The following CCDC93 variants were observed in gnomAD, a reference collection of about 807,000 sequenced individuals.
CCDC93 encodes CCC complex scaffolding subunit CCDC93, also known as coiled-coil domain-containing protein 93.
CCDC93 carries 61 observed loss-of-function variants against 108.2 expected under a neutral mutation model. The ratio of observed to expected loss-of-function variants is 0.56; its 90% CI spans 0.46 to 0.70. The LOEUF (loss-of-function observed/expected upper bound fraction) is 0.70. Among genes scored for constraint, CCDC93 ranks in the 30% least tolerant of loss-of-function variants. The pLI is 0.00. For missense variants in CCDC93, 685 were observed against 764.2 expected (o/e 0.90, Z 1.22); for synonymous variants, 276 against 260.4 (o/e 1.06, Z -0.58).
At chr2:117,989,480 G>A (rs994240968) in intron 6 of CCDC93, among the ~76,000 whole-genome samples, 6 of 152,174 alleles carry the variant, frequency 3.9e-5, no homozygotes, top group South Asian at 2.1e-4. Context: ...CAGTCAGGTC[G>A]TTCTTCTTGA....
At chr2:117,926,157 G>C (rs529370813) in intron 23 of CCDC93, among the ~76,000 whole-genome samples, 3,960 of 152,138 alleles carry the variant, frequency 0.026, 92 homozygotes, top group Non-Finnish European at 0.037. Flanking sequence ...ATGCCCACAA[G>C]AGAAAGCAGG....
chr2:117,951,082 C>CCG lies in CCDC93; in HGVS notation c.1068+1290_1068+1291insCG, dbSNP rs150600932. On this transcript the variant is annotated intron_variant, in intron 13 of 23. Coordinates refer to ENST00000376300, the MANE Select transcript of CCDC93 (RefSeq NM_019044.5). ...GTATAAAAAGCTCCTTTATAAGTCA[C>CCG]TTAGTTTATATCCTAAGGCATATAA... 1.3e-5 allele frequency: 6 copies of CCG among 462,380 alleles called. No individual in the cohort carries two copies. In the East Asian group the frequency reaches 2.0e-3, roughly 157 times the overall value. The allele number at this position is 462,380 out of a possible 1,614,324, so 28.6% of individuals were successfully genotyped here.
chr2:117,983,807 T>TG (rs1680233071), intron 7 of CCDC93, among the ~76,000 whole-genome samples: 1 of 151,996 alleles, frequency 6.6e-6, no homozygotes, highest in Admixed American at 6.6e-5. Flanking sequence ...AACACACACT[T>TG]GTTGGGGCTG....
chr2:117,966,100 G>T (rs1471668092), intron 11 of CCDC93, among the ~76,000 whole-genome samples: 1 of 152,192 alleles, frequency 6.6e-6, no homozygotes, highest in African/African-American at 2.4e-5. Flanking sequence ...TTTCCTGAGG[G>T]CCTAGTGGAA....
intron 8 of CCDC93, among the ~76,000 whole-genome samples, 162 bp downstream of exon 8, chr2:117,977,832 G>A (rs1436524284): frequency 6.6e-6 from 1 of 152,164 alleles, no homozygotes; most frequent in Non-Finnish European, 1.5e-5. Flanking sequence ...TGTAGAGGTG[G>A]CTAGCTAGAA....
intron 19 of CCDC93, among the ~76,000 whole-genome samples, chr2:117,939,437 G>A (rs3771938): frequency 0.39 from 59,464 of 152,052 alleles, 12,273 homozygotes; most frequent in East Asian, 0.68. Flanking sequence ...ATAACACATT[G>A]ATACAGGTAT....
At chr2:117,977,794 G>C (rs1679990109) in intron 8 of CCDC93, among the ~76,000 whole-genome samples, 200 bp downstream of exon 8, 1 of 152,272 alleles carries the variant, frequency 6.6e-6, no homozygotes, top group Non-Finnish European at 1.5e-5. Context: ...CCAGCCCCAG[G>C]AGGAGACTGC....
chr2:118,007,425 A>G (rs1368044156), intron 2 of CCDC93, among the ~76,000 whole-genome samples: 1 of 152,244 alleles, frequency 6.6e-6, no homozygotes, highest in Non-Finnish European at 1.5e-5. Context: ...TAATCCCAGC[A>G]CTTTGGGAGG....
At chr2:117,922,957 G>A (rs1677927558) in intron 23 of CCDC93, among the ~76,000 whole-genome samples, 1 of 151,016 alleles carries the variant, frequency 6.6e-6, no homozygotes, top group Admixed American at 6.6e-5. Flanking sequence ...AAAGATGCTG[G>A]AACACTGACA....
At chr2:118,001,198 A>C in intron 3 of CCDC93, 1 of 334,112 alleles carries the variant, frequency 3.0e-6, no homozygotes, top group South Asian at 5.9e-5. Context: ...TATTTTGTGA[A>C]ATGATGGTAA....
chr2:117,985,041 G>A (rs1005932847), intron 7 of CCDC93, among the ~76,000 whole-genome samples: 1 of 151,982 alleles, frequency 6.6e-6, no homozygotes, highest in Non-Finnish European at 1.5e-5. Context: ...GCAGCAACTA[G>A]TGAACTGTGG....
chr2:117,933,526 T>C (rs1035272789), intron 22 of CCDC93, among the ~76,000 whole-genome samples: 2 of 152,152 alleles, frequency 1.3e-5, no homozygotes, highest in Non-Finnish European at 2.9e-5. Context: ...ATGTGACCTC[T>C]TCTTTACTCA....
rs1469664170 is a variant in CCDC93, at chr2:117,981,631, AAAG to A, written c.621-3604_621-3602del. Among the ~76,000 whole-genome samples, 24 of 152,356 alleles carry A rather than the reference AAAG, an allele frequency of 1.6e-4. No homozygotes were observed. In the South Asian group the frequency reaches 2.3e-3, roughly 14 times the overall value. On this transcript the variant is annotated intron_variant, in intron 7 of 23. Transcript: ENST00000376300. ...GAACAGCACAGTACAAAAGAAATAT[AAAG>A]AAGGACACACATACAATTTTTTAAT...
At chr2:117,937,190 C>A (rs771974035) in intron 20 of CCDC93, among the ~76,000 whole-genome samples, 1 of 152,182 alleles carries the variant, frequency 6.6e-6, no homozygotes, top group African/African-American at 2.4e-5. Context: ...AGAATCTTCT[C>A]GCCAATGCAA....
intron 20 of CCDC93, among the ~76,000 whole-genome samples, chr2:117,937,168 A>G (rs1678552191): frequency 6.6e-6 from 1 of 152,188 alleles, no homozygotes; most frequent in Non-Finnish European, 1.5e-5. Flanking sequence ...TTTACACCCT[A>G]TTCCTTCCCA....
chr2:117,928,871 C>A (rs1678220902), intron 23 of CCDC93, among the ~76,000 whole-genome samples: 1 of 152,156 alleles, frequency 6.6e-6, no homozygotes, highest in Non-Finnish European at 1.5e-5. Context: ...AAATGTCCAA[C>A]AATGATAGAC....
chr2:117,936,203 C>A (rs1678521059), intron 21 of CCDC93, among the ~76,000 whole-genome samples: 2 of 152,076 alleles, frequency 1.3e-5, no homozygotes, highest in African/African-American at 4.8e-5. Context: ...CTCCAAGGAG[C>A]AAGTCCTGGG....
chr2:118,013,117 C>T (rs1431183213), intron 1 of CCDC93, among the ~76,000 whole-genome samples: 6 of 152,210 alleles, frequency 3.9e-5, no homozygotes, highest in African/African-American at 1.4e-4. Context: ...ATGCAAACTA[C>T]CTATGAGATG....
rs368771912 is a variant in CCDC93 at position 117,967,000 on chromosome 2, C to CT, written c.888+6907dup. ...GGGCTAGGATATTACCTCCCACTGC[C>CT]TTTTTTTTCTGAAACAAAGTCTCTC... On this transcript the variant is annotated intron_variant, in intron 11 of 23. Transcript: ENST00000376300. Among the ~76,000 whole-genome samples, 535 of 152,044 alleles carry CT rather than the reference C, an allele frequency of 3.5e-3. 2 individuals are homozygous for CT. The highest frequency in any genetic ancestry group is 0.012 in the African/African-American group (499 of 41,458).
Sources: allele counts gnomAD v4.1 joint callset (sites outside exome capture counted in the v4.1 genomes callset), GRCh38; gene constraint gnomAD v4.1.1; transcripts MANE v1.5; gene names NCBI Gene and HGNC (gene_info 2026-07-23, HGNC 2026-07-21).